DTNA: variants seen among roughly 807,000 people sequenced by gnomAD.
DTNA encodes the protein dystrobrevin alpha.
In DTNA, 43 loss-of-function variants were observed where a neutral mutation model predicts 100.7. The ratio of observed to expected loss-of-function variants is 0.43; its 90% confidence interval spans 0.33 to 0.55. The LOEUF (loss-of-function observed/expected upper bound fraction) is 0.55. Ranked by LOEUF, DTNA falls within the 20% of genes least tolerant of loss-of-function variation. The pLI is 0.04. For missense variants in DTNA, 798 were observed against 953.9 expected (o/e 0.84, Z 2.15); for synonymous variants, 349 against 347.9 (o/e 1.00, Z -0.04).
At chr18:34,669,014 T>C (rs2076350280) in intron 1 of DTNA, among the ~76,000 whole-genome samples, 1 of 152,206 alleles carries the variant, frequency 6.6e-6, no homozygotes, top group Non-Finnish European at 1.5e-5. Flanking sequence ...CTGTCTAATG[T>C]TGACAGTGGG....
intron 3 of DTNA, among the ~76,000 whole-genome samples, chr18:34,777,127 C>T (rs576137087): frequency 3.8e-4 from 58 of 152,280 alleles, no homozygotes; most frequent in African/African-American, 1.2e-3. Context: ...TTCTAATATA[C>T]GCTATGCTAT....
intron 1 of DTNA, among the ~76,000 whole-genome samples, chr18:34,632,750 CTCT>C (rs2058224271): frequency 6.6e-6 from 1 of 152,130 alleles, no homozygotes; most frequent in Non-Finnish European, 1.5e-5. Context: ...TAAAGATTTT[CTCT>C]TGTTTTTCAA....
At chr18:34,664,834 TAAAC>T (rs2075680060) in intron 1 of DTNA, among the ~76,000 whole-genome samples, 1 of 152,126 alleles carries the variant, frequency 6.6e-6, no homozygotes, top group Non-Finnish European at 1.5e-5. Context: ...ATAATAAACA[TAAAC>T]AAAAGCTCTT....
intron 17 of DTNA, among the ~76,000 whole-genome samples, chr18:34,865,375 T>C (rs907010075): frequency 1.3e-5 from 2 of 152,170 alleles, no homozygotes; most frequent in Non-Finnish European, 2.9e-5. Flanking sequence ...CTTTGTTTTA[T>C]TTTTTGAAAG....
chr18:34,813,465 T>A (rs1238764312), intron 6 of DTNA, among the ~76,000 whole-genome samples: 1 of 148,184 alleles, frequency 6.7e-6, no homozygotes, highest in African/African-American at 2.5e-5. Flanking sequence ...AAAAGGTATA[T>A]CCCTGCCCCA....
chr18:34,689,665 C>T (rs945678024), intron 1 of DTNA, among the ~76,000 whole-genome samples: 1 of 152,186 alleles, frequency 6.6e-6, no homozygotes, highest in Non-Finnish European at 1.5e-5. Context: ...TAGCAGAGCT[C>T]GAGTGCTGTG....
At chr18:34,652,246 A>G (rs1031773047) in intron 1 of DTNA, among the ~76,000 whole-genome samples, 1 of 152,154 alleles carries the variant, frequency 6.6e-6, no homozygotes, top group African/African-American at 2.4e-5. Flanking sequence ...AAGGAATAGC[A>G]TGTGTAACAC....
chr18:34,764,914 C>T (rs113599794), intron 2 of DTNA, among the ~76,000 whole-genome samples: 4 of 152,290 alleles, frequency 2.6e-5, no homozygotes, highest in African/African-American at 9.6e-5. Context: ...GAAAAGCAGA[C>T]ATTTATTGAT....
intron 7 of DTNA, among the ~76,000 whole-genome samples, chr18:34,816,284 G>A (rs770429710): frequency 4.6e-5 from 7 of 152,154 alleles, no homozygotes; most frequent in African/African-American, 9.7e-5. Flanking sequence ...GATAGAAGGC[G>A]AACTTCAACA....
intron 13 of DTNA, among the ~76,000 whole-genome samples, chr18:34,846,195 A>G (rs1824963245): frequency 6.7e-6 from 1 of 149,662 alleles, no homozygotes; most frequent in African/African-American, 2.4e-5. Context: ...CTACCCTACC[A>G]CCACAGAACC....
At position 34,867,730 on chromosome 18, in the gene DTNA, A is replaced by G. The variant is rs781240598; in HGVS notation, c.1743+3668A>G. ...GGCAGCAGGATCTTGAAAGGCTCCT[A>G]TGGACCAGGAAGTTCGTAAACAGAT... On this transcript the variant is annotated intron_variant, in intron 17 of 22. Coordinates refer to ENST00000444659, the MANE Select transcript of DTNA (RefSeq NM_001386795.1). 2.8e-4 allele frequency: 276 copies of G among 985,498 alleles called. 3 individuals carry two copies. Among genetic ancestry groups the G allele is most frequent in the Admixed American group, 6.1e-5 (1 of 16,268 alleles). The allele number at this position is 985,498 out of a possible 1,614,324, so 61.0% of individuals were successfully genotyped here. A position where few individuals can be genotyped will look rare whatever the true frequency, so the allele number is the denominator to read the frequency against.
chr18:34,554,620 C>G (rs1203741195), intron 1 of DTNA, among the ~76,000 whole-genome samples: 5 of 151,698 alleles, frequency 3.3e-5, no homozygotes, highest in African/African-American at 1.2e-4. Flanking sequence ...TTCTCTGCAT[C>G]TATTGAGATA....
intron 1 of DTNA, among the ~76,000 whole-genome samples, chr18:34,561,489 G>A (rs1161987632): frequency 6.6e-6 from 1 of 151,970 alleles, no homozygotes; most frequent in African/African-American, 2.4e-5. Context: ...GATATTTGCT[G>A]CCTTCTCAAC....
intron 1 of DTNA, among the ~76,000 whole-genome samples, chr18:34,537,938 A>G (rs921330333): frequency 2.0e-5 from 3 of 152,050 alleles, no homozygotes; most frequent in African/African-American, 7.2e-5. Context: ...AGGGAAAATA[A>G]CAAAGTTTTC....
chr18:34,795,481 A>G (rs1256138675), intron 4 of DTNA, among the ~76,000 whole-genome samples: 1 of 152,164 alleles, frequency 6.6e-6, no homozygotes, highest in Non-Finnish European at 1.5e-5. Context: ...CTTAATCACT[A>G]TAGTAACTGG....
intron 1 of DTNA, among the ~76,000 whole-genome samples, chr18:34,687,354 TG>T (rs1413408718): frequency 6.6e-6 from 1 of 152,212 alleles, no homozygotes; most frequent in East Asian, 1.9e-4. Context: ...TTCTTCTCAT[TG>T]GTTTCAAAGA....
At chr18:34,850,841 C>T (rs2096465512) in intron 14 of DTNA, among the ~76,000 whole-genome samples, 1 of 151,974 alleles carries the variant, frequency 6.6e-6, no homozygotes, top group Non-Finnish European at 1.5e-5. Flanking sequence ...ATATATATGG[C>T]ATATGATTAA....
chr18:34,641,196 G>A (rs1297146608), intron 1 of DTNA, among the ~76,000 whole-genome samples: 1 of 152,042 alleles, frequency 6.6e-6, no homozygotes, highest in Non-Finnish European at 1.5e-5. Context: ...GAATCTCAAA[G>A]ATCTACAAGA....
intron 1 of DTNA, among the ~76,000 whole-genome samples, chr18:34,698,836 C>G (rs2080970401): frequency 6.6e-6 from 1 of 151,962 alleles, no homozygotes. Flanking sequence ...ATTGTGCACA[C>G]CCAGATTGAG....
Sources: allele counts gnomAD v4.1 joint callset (sites outside exome capture counted in the v4.1 genomes callset), GRCh38; gene constraint gnomAD v4.1.1; transcripts MANE v1.5; gene names NCBI Gene and HGNC (gene_info 2026-07-23, HGNC 2026-07-21).